Variants in FAT3 observed in about 807,000 individuals in gnomAD.
The protein encoded by FAT3 is FAT atypical cadherin 3, also known as protocadherin Fat 3.
A neutral mutation model predicts 310.2 loss-of-function variants in FAT3; 95 were observed. The ratio of observed to expected loss-of-function variants is 0.31; its 90% CI spans 0.26 to 0.36. FAT3 has a LOEUF of 0.36. FAT3 is among the 10% of genes least tolerant of loss of function. FAT3 has a pLI of 1.00. For missense variants in FAT3, 5,408 were observed against 5,715.6 expected (o/e 0.95, Z 1.74); for synonymous variants, 2,314 against 2,192.9 (o/e 1.06, Z -1.54).
At position 92,354,782 on chromosome 11, in the gene FAT3, C is replaced by T. The variant is rs1377497566; in HGVS notation, c.2670C>T (p.Asp890=). 3 of 1,613,762 alleles carry T rather than the reference C, an allele frequency of 1.9e-6. No individual in the cohort carries two copies. Among genetic ancestry groups the T allele is most frequent in the Non-Finnish European group, 2.5e-6 (3 of 1,179,876 alleles). ...NSSTGIVYVA[D]QLDRESKANY... ...CAACTGGAATCGTTTATGTAGCCGA[C>T]CAGTTGGACCGGGAATCCAAAGCCA... Residue 890 remains aspartate (D), a synonymous_variant, in exon 2 of 28, where the codon GAC becomes GAT. Coordinates refer to ENST00000525166, the MANE Select transcript of FAT3 (RefSeq NM_001367949.2).
intron 1 of FAT3, among the ~76,000 whole-genome samples, chr11:92,265,950 C>T (rs77655736): frequency 6.6e-6 from 1 of 152,092 alleles, no homozygotes; most frequent in Non-Finnish European, 1.5e-5. Context: ...CGCTCCAGAC[C>T]TCTTTTTCCC....
chr11:92,382,895 A>G (rs559416545), intron 2 of FAT3, among the ~76,000 whole-genome samples: 7 of 152,236 alleles, frequency 4.6e-5, no homozygotes, highest in African/African-American at 1.7e-4. Flanking sequence ...TACATAGGTA[A>G]ATGTGTGCCA....
At chr11:92,820,228 G>C (rs930341199) in intron 13 of FAT3, among the ~76,000 whole-genome samples, 4 of 152,108 alleles carry the variant, frequency 2.6e-5, no homozygotes, top group African/African-American at 4.8e-5. Context: ...GTCAGCATTG[G>C]TCAGGTTTTG....
In FAT3 at chr11:92,799,979, A is replaced by G. The variant is rs956107944; in HGVS notation, c.6966A>G (p.Val2322=). ...CAGACTCAGAAAACAATAAAATGGT[A>G]CATTATCAGATTGTCCAGGATACCT... ...IDADSENNKM[V]HYQIVQDTYN... Residue 2322 remains valine, a synonymous_variant, in exon 10 of 28, where the codon GTA becomes GTG. Transcript: ENST00000525166. 1 of 1,613,602 alleles carries G rather than the reference A, an allele frequency of 6.2e-7. No homozygotes were observed. Among genetic ancestry groups the G allele is most frequent in the Middle Eastern group, 1.7e-4 (1 of 6,058 alleles).
intron 22 of FAT3, among the ~76,000 whole-genome samples, chr11:92,870,125 C>A (rs1360520724): frequency 6.6e-6 from 1 of 152,226 alleles, no homozygotes; most frequent in Non-Finnish European, 1.5e-5. Context: ...CATCGGTTCT[C>A]CTGGCGGCAG....
intron 12 of FAT3, among the ~76,000 whole-genome samples, chr11:92,808,897 G>T (rs1475973619): frequency 6.6e-6 from 1 of 152,142 alleles, no homozygotes; most frequent in Non-Finnish European, 1.5e-5. Context: ...CTGCACTCCA[G>T]CCTGGGCGAC....
intron 15 of FAT3, 33 bp downstream of exon 15, chr11:92,835,117 G>A (rs1170264731): frequency 7.7e-6 from 12 of 1,561,252 alleles, no homozygotes; most frequent in Non-Finnish European, 1.1e-5. Context: ...GGTTCTAGAT[G>A]TTTGGGACTA....
Position 92,545,221 on chromosome 11 carries a change from A to T in FAT3, c.3607+20273A>T, listed in dbSNP as rs79590904. The stretch of plus-strand genomic sequence containing the variant: ...AAGGCCTTCCTCAGTGTCACCTCTA[A>T]CAAGATCTTCCTTGGTTACCCAATC... On this transcript the variant is annotated intron_variant, in intron 3 of 27. Transcript: ENST00000525166. Among the ~76,000 whole-genome samples the T allele has an allele frequency of 6.5e-3, 993 of 152,180 alleles. 10 individuals carry two copies. The highest frequency in any genetic ancestry group is 0.02 in the Middle Eastern group (6 of 294).
intron 1 of FAT3, among the ~76,000 whole-genome samples, chr11:92,308,811 C>T (rs1565216075): frequency 6.6e-6 from 1 of 152,192 alleles, no homozygotes; most frequent in East Asian, 1.9e-4. Flanking sequence ...TGTGTGGCTT[C>T]TCTGCCCCAC....
chr11:92,599,175 T>A (rs931638043), intron 3 of FAT3, among the ~76,000 whole-genome samples: 2 of 152,194 alleles, frequency 1.3e-5, no homozygotes, highest in Non-Finnish European at 2.9e-5. Flanking sequence ...GATAAAGACA[T>A]ACCCAAGACT....
chr11:92,514,005 A>G (rs1046482980), intron 2 of FAT3, among the ~76,000 whole-genome samples: 1 of 152,194 alleles, frequency 6.6e-6, no homozygotes, highest in Non-Finnish European at 1.5e-5. Flanking sequence ...ACAACCTAGC[A>G]TGTAATATTT....
At chr11:92,296,930 T>G (rs1305424192) in intron 1 of FAT3, among the ~76,000 whole-genome samples, 1 of 152,160 alleles carries the variant, frequency 6.6e-6, no homozygotes, top group African/African-American at 2.4e-5. Context: ...ACAGTGAGTA[T>G]TAAGTGATCT....
chr11:92,884,375 C>T (rs1328248375), intron 24 of FAT3, among the ~76,000 whole-genome samples: 1 of 152,200 alleles, frequency 6.6e-6, no homozygotes, highest in African/African-American at 2.4e-5. Context: ...CAGTAAGGTA[C>T]TCTCTGTGAA....
intron 2 of FAT3, among the ~76,000 whole-genome samples, chr11:92,385,645 G>A (rs1949601158): frequency 6.6e-6 from 1 of 152,054 alleles, no homozygotes; most frequent in Non-Finnish European, 1.5e-5. Flanking sequence ...TGGGATTATA[G>A]ACATCAGCCA....
At chr11:92,474,106 C>T (rs987744578) in intron 2 of FAT3, among the ~76,000 whole-genome samples, 1 of 152,144 alleles carries the variant, frequency 6.6e-6, no homozygotes, top group Non-Finnish European at 1.5e-5. Context: ...GAAAGAGATT[C>T]CCTTGCACTG....
intron 14 of FAT3, 110 bp downstream of exon 14, chr11:92,832,121 A>G: frequency 8.1e-7 from 1 of 1,228,994 alleles, no homozygotes; most frequent in Admixed American, 2.7e-5. Context: ...GAGTGAGTCC[A>G]GGAGTTCAGG....
At chr11:92,463,881 C>T (rs921277504) in intron 2 of FAT3, among the ~76,000 whole-genome samples, 1 of 152,140 alleles carries the variant, frequency 6.6e-6, no homozygotes, top group African/African-American at 2.4e-5. Flanking sequence ...ACCTATTTTT[C>T]CTGACCTTCT....
intron 1 of FAT3, among the ~76,000 whole-genome samples, chr11:92,227,507 C>T (rs766310553): frequency 7.9e-5 from 12 of 152,114 alleles, no homozygotes; most frequent in Non-Finnish European, 1.3e-4. Context: ...ACCGAGGTGC[C>T]CACATCTCAG....
chr11:92,328,533 A>G lies in FAT3; in HGVS notation c.-17-23563A>G, dbSNP rs568442209. On this transcript the variant is annotated intron_variant, in intron 1 of 27. Transcript: ENST00000525166. The stretch of plus-strand genomic sequence containing the variant: ...TACAGCTGAACCTCAGGGATTAATC[A>G]GAAATTGTTCAGGGTTATCTGCCTA... Among the ~76,000 whole-genome samples the G allele has an allele frequency of 1.1e-4, 16 of 152,358 alleles. No homozygotes were observed. In the South Asian group the frequency reaches 2.9e-3, roughly 28 times the overall value.
Sources: gnomAD v4.1 joint callset for allele counts (sites outside exome capture counted in the v4.1 genomes callset) on GRCh38, gnomAD v4.1.1 for gene constraint, MANE v1.5 for transcripts, NCBI Gene and HGNC (gene_info 2026-07-23, HGNC 2026-07-21) for gene names.